Variants in GULP1 observed in about 807,000 individuals in gnomAD.
GULP1 encodes GULP PTB domain containing engulfment adaptor 1.
In GULP1, 19 loss-of-function variants were observed where a neutral mutation model predicts 40.9. The observed-to-expected ratio is 0.46, with a 90% CI of 0.32 to 0.68. GULP1 has a LOEUF of 0.68. GULP1 is among the 30% of genes least tolerant of loss of function. The pLI, the probability that GULP1 is intolerant of heterozygous loss-of-function variation, is 0.03. For missense variants in GULP1, 312 were observed against 362.2 expected (o/e 0.86, Z 1.12); for synonymous variants, 119 against 117.6 (o/e 1.01, Z -0.08).
chr2:188,327,055 G>A (rs1489439513), intron 1 of GULP1, among the ~76,000 whole-genome samples: 1 of 152,102 alleles, frequency 6.6e-6, no homozygotes, highest in Non-Finnish European at 1.5e-5. Flanking sequence ...AAACCATATG[G>A]CCAGAAAGCT....
At chr2:188,466,446 T>A (rs1174388775) in intron 2 of GULP1, 1 of 17,880 alleles carries the variant, frequency 5.6e-5, no homozygotes, top group African/African-American at 1.2e-4. Flanking sequence ...CCCAGCTAAT[T>A]TTTTTTTTTT....
At chr2:188,532,335 A>G (rs1687759289) in intron 6 of GULP1, among the ~76,000 whole-genome samples, 1 of 152,192 alleles carries the variant, frequency 6.6e-6, no homozygotes, top group South Asian at 2.1e-4. Context: ...TTTGGGTTTT[A>G]GAATTCACAG....
chr2:188,499,434 C>T (rs1326557869), intron 4 of GULP1, among the ~76,000 whole-genome samples: 3 of 151,362 alleles, frequency 2.0e-5, no homozygotes, highest in Non-Finnish European at 4.4e-5. Context: ...ACATGAAAAA[C>T]TCATCTCCTG....
chr2:188,507,821 A>C (rs1371943803), intron 4 of GULP1, among the ~76,000 whole-genome samples: 1 of 151,968 alleles, frequency 6.6e-6, no homozygotes, highest in Non-Finnish European at 1.5e-5. Context: ...ATGGAAGTGC[A>C]CAGAGTCAAG....
At chr2:188,388,055 A>G (rs1397388378) in intron 2 of GULP1, among the ~76,000 whole-genome samples, 1 of 73,562 alleles carries the variant, frequency 1.4e-5, no homozygotes, top group Admixed American at 2.2e-4. Flanking sequence ...AACAGTCCCC[A>G]GAGTGTGATG....
intron 2 of GULP1, among the ~76,000 whole-genome samples, chr2:188,464,518 A>G (rs991590187): frequency 6.6e-6 from 1 of 152,016 alleles, no homozygotes; most frequent in African/African-American, 2.4e-5. Flanking sequence ...GCTCCTGCCT[A>G]TTTTTGCTCA....
chr2:188,468,931 A>G (rs1215939872), intron 2 of GULP1, among the ~76,000 whole-genome samples: 6 of 152,160 alleles, frequency 3.9e-5, no homozygotes, highest in South Asian at 2.1e-4. Flanking sequence ...AGGGAATAGT[A>G]AGCAAGACTA....
At chr2:188,586,346 A>G (rs1702365956) in intron 10 of GULP1, among the ~76,000 whole-genome samples, 1 of 152,224 alleles carries the variant, frequency 6.6e-6, no homozygotes, top group Admixed American at 6.5e-5. Context: ...TTGAAGCAGA[A>G]CCTTTTCACC....
chr2:188,447,233 G>C (rs1334580870), intron 2 of GULP1, among the ~76,000 whole-genome samples: 1 of 152,112 alleles, frequency 6.6e-6, no homozygotes, highest in Non-Finnish European at 1.5e-5. Context: ...CATGTAACAG[G>C]CTTCAGAAAA....
intron 2 of GULP1, among the ~76,000 whole-genome samples, chr2:188,387,354 C>T (rs538682678): frequency 6.6e-6 from 1 of 152,042 alleles, no homozygotes; most frequent in East Asian, 1.9e-4. Flanking sequence ...TTATTGAAAA[C>T]TTATACTTAT....
chr2:188,508,873 AC>A (rs1277681667), intron 4 of GULP1, among the ~76,000 whole-genome samples: 1 of 82,282 alleles, frequency 1.2e-5, no homozygotes, highest in Non-Finnish European at 2.9e-5. Context: ...GTCAATAGGC[AC>A]TTTACCCACA....
intron 9 of GULP1, among the ~76,000 whole-genome samples, chr2:188,580,695 C>T (rs1205052083): frequency 6.6e-6 from 1 of 152,196 alleles, no homozygotes; most frequent in East Asian, 1.9e-4. Context: ...TTTAATCTCT[C>T]ACTTTACATG....
chr2:188,377,422 A>G (rs778408259), intron 1 of GULP1, among the ~76,000 whole-genome samples: 24 of 152,242 alleles, frequency 1.6e-4, no homozygotes, highest in Non-Finnish European at 3.1e-4. Context: ...ACCTACCACT[A>G]TGTTTATAAT....
chr2:188,570,573 A>G (rs542663009), intron 9 of GULP1, among the ~76,000 whole-genome samples: 4 of 152,250 alleles, frequency 2.6e-5, no homozygotes, highest in East Asian at 1.9e-4. Flanking sequence ...GAGTGAGGCA[A>G]TTGTATTTCA....
At chr2:188,350,930 A>G (rs1255425120) in intron 1 of GULP1, among the ~76,000 whole-genome samples, 2 of 152,166 alleles carry the variant, frequency 1.3e-5, no homozygotes, top group African/African-American at 4.8e-5. Flanking sequence ...ACTTAATTTC[A>G]TAGAGAAGCC....
chr2:188,442,475 A>G (rs1355179424), intron 2 of GULP1, among the ~76,000 whole-genome samples: 2 of 152,248 alleles, frequency 1.3e-5, no homozygotes, highest in African/African-American at 2.4e-5. Context: ...TGTTATATTT[A>G]TAAAAATAAA....
intron 2 of GULP1, among the ~76,000 whole-genome samples, chr2:188,441,306 A>T (rs774973194): frequency 6.6e-6 from 1 of 152,166 alleles, no homozygotes; most frequent in Admixed American, 6.5e-5. Context: ...CACCCTTTAC[A>T]TGCTGTTCAG....
chr2:188,443,043 A>T (rs1390950308), intron 2 of GULP1, among the ~76,000 whole-genome samples: 1 of 152,098 alleles, frequency 6.6e-6, no homozygotes. Flanking sequence ...AAATCCCTTA[A>T]CTGTTCATAG....
chr2:188,383,080 T>A (rs1352656813), intron 1 of GULP1, among the ~76,000 whole-genome samples: 1 of 152,168 alleles, frequency 6.6e-6, no homozygotes, highest in East Asian at 1.9e-4. Context: ...GTCTTTTTAG[T>A]GTTTTGGCAA....
Sources: allele counts gnomAD v4.1 joint callset (sites outside exome capture counted in the v4.1 genomes callset), GRCh38; gene constraint gnomAD v4.1.1; transcripts MANE v1.5; gene names NCBI Gene and HGNC (gene_info 2026-07-23, HGNC 2026-07-21).